Variants in FLI1 observed in about 807,000 individuals in gnomAD.
The protein encoded by FLI1 is Fli-1 proto-oncogene, ETS transcription factor.
A neutral mutation model predicts 53.1 loss-of-function variants in FLI1; 13 were observed. The observed-to-expected ratio is 0.24, with a 90% CI of 0.16 to 0.39. The LOEUF (loss-of-function observed/expected upper bound fraction) is 0.39. FLI1 is among the 10% of genes least tolerant of loss of function. The probability of loss-of-function intolerance (pLI) is 1.00; values close to 1 mark genes in which losing one functional copy is unlikely to be tolerated. For missense variants in FLI1, 424 were observed against 600.5 expected, an observed-to-expected ratio of 0.71 and a Z score of 3.07; for synonymous variants, 244 against 236.7, an observed-to-expected ratio of 1.03 and a Z score of -0.28.
At chr11:128,737,498 T>C (rs1347803761) in intron 1 of FLI1, among the ~76,000 whole-genome samples, 36 of 152,250 alleles carry the variant, frequency 2.4e-4, no homozygotes, top group Admixed American at 2.4e-3. Context: ...AGTCCAGCTC[T>C]GTCTCCAAAC....
At chr11:128,733,777 G>T (rs1939795211) in intron 1 of FLI1, among the ~76,000 whole-genome samples, 1 of 152,224 alleles carries the variant, frequency 6.6e-6, no homozygotes, top group African/African-American at 2.4e-5. Context: ...TTAGCCAAGG[G>T]TCACTTTGGC....
chr11:128,758,111 G>T lies in FLI1; in HGVS notation c.19-4G>T, dbSNP rs1334400859. 5 of 1,609,400 alleles carry T rather than the reference G, an allele frequency of 3.1e-6. No individual in the cohort carries two copies. The highest frequency in any genetic ancestry group is 1.7e-4 in the Middle Eastern group (1 of 5,772). On this transcript the variant is annotated splice_polypyrimidine_tract_variant and splice_region_variant and intron_variant, in intron 1 of 8. Coordinates refer to ENST00000527786, the MANE Select transcript of FLI1 (RefSeq NM_002017.5). ...GGCTTTCTGTCTCTTCTCTGGCCCT[G>T]CAGGAGGCTCTGTCGGTGGTGAGCG...
At chr11:128,728,142 G>T (rs531467770) in intron 1 of FLI1, among the ~76,000 whole-genome samples, 98 of 152,372 alleles carry the variant, frequency 6.4e-4, no homozygotes, top group Non-Finnish European at 9.1e-4. Flanking sequence ...AAATGCCATG[G>T]AGTCTGATAG....
At chr11:128,685,701 G>A (rs4573690), upstream of FLI1, among the ~76,000 whole-genome samples, 1 of 123,652 alleles carries the variant, frequency 8.1e-6, no homozygotes, top group Non-Finnish European at 1.6e-5. Flanking sequence ...CTTGTGGCTT[G>A]AGGAGCCAAA....
At chr11:128,695,351 G>T (rs1267605520) in intron 1 of FLI1, among the ~76,000 whole-genome samples, 1 of 152,222 alleles carries the variant, frequency 6.6e-6, no homozygotes, top group Non-Finnish European at 1.5e-5. Context: ...GAATGAATGG[G>T]ACCAGGGGTT....
chr11:128,758,144 G>T lies in FLI1; in HGVS notation c.48G>T (p.Gln16His). 6.2e-7 allele frequency: 1 copy of T among 1,613,368 alleles called. No individual in the cohort carries two copies. Among genetic ancestry groups the T allele is most frequent in the South Asian group, 1.1e-5 (1 of 90,926 alleles). ...CTCTGTCGGTGGTGAGCGACGACCA[G>T]TCCCTCTTTGACTCAGCGTACGGAG... ...KEALSVVSDD[Q>H]SLFDSAYGAA... The change falls in exon 2 of 9, where the codon CAG becomes CAT. Residue 16 changes from glutamine to histidine, a missense_variant. Gln to His is a conservative substitution (Grantham distance 24). Coordinates refer to ENST00000527786, the MANE Select transcript of FLI1 (RefSeq NM_002017.5).
chr11:128,751,816 T>C (rs1318638704), intron 1 of FLI1, among the ~76,000 whole-genome samples: 2 of 150,544 alleles, frequency 1.3e-5, no homozygotes, highest in African/African-American at 4.9e-5. Flanking sequence ...GCGTGGGTTT[T>C]TTTTTTTGGG....
intron 1 of FLI1, 39 bp from the exon 2 acceptor site, chr11:128,758,076 A>G (rs372998751): frequency 1.3e-6 from 2 of 1,556,776 alleles, no homozygotes; most frequent in Non-Finnish European, 1.8e-6. Flanking sequence ...TTGGGTGAAG[A>G]GTGACACTGG....
At chr11:128,716,023 T>C (rs1390805499) in intron 1 of FLI1, among the ~76,000 whole-genome samples, 1 of 152,216 alleles carries the variant, frequency 6.6e-6, no homozygotes, top group African/African-American at 2.4e-5. Flanking sequence ...CTTAATTTCA[T>C]CTGGGGAAGC....
rs189215596 is a variant in FLI1, at chr11:128,805,689, A to G, written c.721+258A>G. 1,368 of 456,748 alleles carry G rather than the reference A, an allele frequency of 3.0e-3. 15 individuals are homozygous for G. The highest frequency in any genetic ancestry group is 0.011 in the South Asian group (365 of 33,460). The allele number at this position is 456,748 out of a possible 1,614,324, so 28.3% of individuals were successfully genotyped here. A position where few individuals can be genotyped will look rare whatever the true frequency, so the allele number is the denominator to read the frequency against. On this transcript the variant is annotated intron_variant, in intron 6 of 8. Coordinates refer to ENST00000527786, the MANE Select transcript of FLI1 (RefSeq NM_002017.5). The stretch of plus-strand genomic sequence containing the variant: ...TGGGAAATTTGAAGGTTTTCTTGAG[A>G]CAAGGTTCTGTACCAATGAATGGTC...
chr11:128,765,766 G>A (rs764400141), intron 2 of FLI1, among the ~76,000 whole-genome samples: 16 of 152,202 alleles, frequency 1.1e-4, no homozygotes, highest in Non-Finnish European at 1.8e-4. Flanking sequence ...GACCATGTGC[G>A]TGAGTGTGTG....
At chr11:128,786,215 AG>A (rs888982237) in intron 5 of FLI1, among the ~76,000 whole-genome samples, 6 of 152,178 alleles carry the variant, frequency 3.9e-5, no homozygotes, top group African/African-American at 1.4e-4. Context: ...GAGAGAAATG[AG>A]GCCCATGTTA....
At chr11:128,706,346 C>T (rs186355187) in intron 1 of FLI1, among the ~76,000 whole-genome samples, 13 of 152,302 alleles carry the variant, frequency 8.5e-5, no homozygotes, top group Admixed American at 5.9e-4. Context: ...CTCCATACAA[C>T]GTGGCCTCAC....
intron 1 of FLI1, among the ~76,000 whole-genome samples, chr11:128,756,572 C>T (rs969882832): frequency 3.3e-5 from 5 of 152,214 alleles, no homozygotes; most frequent in Non-Finnish European, 7.3e-5. Flanking sequence ...TGTTTGAATG[C>T]TAATAATCAT....
chr11:128,794,134 G>A (rs999259809), intron 5 of FLI1, among the ~76,000 whole-genome samples: 8 of 152,206 alleles, frequency 5.3e-5, no homozygotes, highest in African/African-American at 7.2e-5. Flanking sequence ...CACTCCAGAC[G>A]ACAGAGCGAG....
chr11:128,800,816 G>A (rs948863223), intron 5 of FLI1, among the ~76,000 whole-genome samples: 5 of 152,136 alleles, frequency 3.3e-5, no homozygotes, highest in Admixed American at 1.3e-4. Context: ...CTGAGGCTCC[G>A]GCCTCTTTGC....
intron 4 of FLI1, among the ~76,000 whole-genome samples, chr11:128,781,466 A>G (rs1225146575): frequency 6.6e-6 from 1 of 152,260 alleles, no homozygotes; most frequent in Non-Finnish European, 1.5e-5. Context: ...GATTGTAGTT[A>G]GCCTATGAAG....
At chr11:128,806,932 G>A in intron 6 of FLI1, 1 of 368,548 alleles carries the variant, frequency 2.7e-6, no homozygotes, top group East Asian at 3.9e-5. Context: ...TTAAAAATGT[G>A]TTTATTATTG....
intron 4 of FLI1, among the ~76,000 whole-genome samples, chr11:128,774,601 C>G (rs1016166517): frequency 6.6e-6 from 1 of 152,206 alleles, no homozygotes; most frequent in African/African-American, 2.4e-5. Context: ...GAACCCTAAG[C>G]CCTTTCCTTC....
Sources: allele counts gnomAD v4.1 joint callset (sites outside exome capture counted in the v4.1 genomes callset), GRCh38; gene constraint gnomAD v4.1.1; transcripts MANE v1.5; gene names NCBI Gene and HGNC (gene_info 2026-07-23, HGNC 2026-07-21).